Variants in DCDC1 observed in about 807,000 individuals in gnomAD.
DCDC1 encodes the protein doublecortin domain-containing protein 1.
Under a neutral mutation model 178.3 loss-of-function variants are expected in DCDC1, and 200 were observed. The ratio of observed to expected loss-of-function variants is 1.12; its 90% CI spans 1.00 to 1.26. The LOEUF is 1.26. Ranked by LOEUF, DCDC1 falls within the 50% of genes most tolerant of loss-of-function variation. DCDC1 has a pLI of 0.00. For missense variants in DCDC1, 1,983 were observed against 1,749.2 expected (o/e 1.13, Z -2.38); for synonymous variants, 690 against 604.8 (o/e 1.14, Z -2.07).
chr11:30,899,726 G>T (rs1052064901), intron 33 of DCDC1, 84 bp from the exon 34 acceptor site: 3 of 975,264 alleles, frequency 3.1e-6, no homozygotes, highest in African/African-American at 1.7e-5. Flanking sequence ...TCTGCTCAAA[G>T]AAATAGATTC....
intron 9 of DCDC1, among the ~76,000 whole-genome samples, chr11:31,147,238 C>T (rs1054269225): frequency 4.6e-5 from 7 of 152,136 alleles, no homozygotes; most frequent in African/African-American, 1.4e-4. Flanking sequence ...CTCACTCCAG[C>T]AAAGGTTCAA....
chr11:30,985,814 G>A (rs1474393913), intron 20 of DCDC1, among the ~76,000 whole-genome samples: 1 of 151,958 alleles, frequency 6.6e-6, no homozygotes, highest in Non-Finnish European at 1.5e-5. Flanking sequence ...ATGAGAACAT[G>A]GCAATCAACA....
At chr11:30,913,034 T>C (rs1945553978) in intron 27 of DCDC1, among the ~76,000 whole-genome samples, 1 of 152,174 alleles carries the variant, frequency 6.6e-6, no homozygotes, top group African/African-American at 2.4e-5. Flanking sequence ...AGATGTGCAA[T>C]AAACCTCAGA....
intron 9 of DCDC1, among the ~76,000 whole-genome samples, chr11:31,148,515 A>AAAAT (rs1304840321): frequency 1.8e-4 from 27 of 152,184 alleles, no homozygotes; most frequent in South Asian, 1.2e-3. Flanking sequence ...CTCAAAAAAT[A>AAAAT]AAATAAATAA....
At chr11:31,041,854 T>A (rs1045830155) in intron 20 of DCDC1, among the ~76,000 whole-genome samples, 5 of 152,154 alleles carry the variant, frequency 3.3e-5, no homozygotes, top group African/African-American at 1.2e-4. Context: ...GTCTAAAAGA[T>A]AAAAGAAGTA....
intron 20 of DCDC1, among the ~76,000 whole-genome samples, chr11:30,991,002 G>A (rs183428329): frequency 5.3e-5 from 8 of 152,262 alleles, no homozygotes; most frequent in Admixed American, 2.6e-4. Flanking sequence ...TGAGAGTTAC[G>A]AGGAAAAGCT....
At chr11:30,867,466 G>A (rs1441383151) in intron 38 of DCDC1, among the ~76,000 whole-genome samples, 2 of 152,188 alleles carry the variant, frequency 1.3e-5, no homozygotes, top group East Asian at 3.9e-4. Flanking sequence ...GTCCATTATG[G>A]TGCCCGGTAC....
chr11:31,226,907 G>T (rs964513021), intron 9 of DCDC1, among the ~76,000 whole-genome samples: 2 of 151,806 alleles, frequency 1.3e-5, no homozygotes, highest in African/African-American at 4.8e-5. Flanking sequence ...AGGAATACAA[G>T]ATTTTCTGGG....
intron 9 of DCDC1, among the ~76,000 whole-genome samples, chr11:31,213,222 C>CA (rs1430011420): frequency 6.7e-6 from 1 of 148,514 alleles, no homozygotes; most frequent in Non-Finnish European, 1.5e-5. Context: ...GCTCTTCAGT[C>CA]ACTTCACCCC....
intron 8 of DCDC1, among the ~76,000 whole-genome samples, chr11:31,264,730 T>C (rs942439839): frequency 1.3e-5 from 2 of 152,208 alleles, no homozygotes; most frequent in African/African-American, 4.8e-5. Context: ...ATTTCTCTAT[T>C]GTCAAATTAA....
chr11:31,040,024 CA>C (rs1954327852), intron 20 of DCDC1, among the ~76,000 whole-genome samples: 1 of 151,476 alleles, frequency 6.6e-6, no homozygotes, highest in South Asian at 2.1e-4. Context: ...ATCAGGTATC[CA>C]AAAAAGATGG....
chr11:30,869,516 C>T (rs984905006), intron 38 of DCDC1, among the ~76,000 whole-genome samples: 6 of 152,194 alleles, frequency 3.9e-5, no homozygotes, highest in Non-Finnish European at 8.8e-5. Context: ...GAACACAATT[C>T]TGAACACCCT....
intron 9 of DCDC1, among the ~76,000 whole-genome samples, chr11:31,222,352 C>G (rs1049050598): frequency 6.6e-6 from 1 of 152,134 alleles, no homozygotes; most frequent in African/African-American, 2.4e-5. Context: ...AGTGAGCCAC[C>G]ACGCCTGGCC....
intron 20 of DCDC1, among the ~76,000 whole-genome samples, chr11:30,977,610 T>C (rs1950171929): frequency 6.6e-6 from 1 of 152,202 alleles, no homozygotes; most frequent in Non-Finnish European, 1.5e-5. Context: ...ATATGTAGGA[T>C]TACTACCTTA....
intron 11 of DCDC1, among the ~76,000 whole-genome samples, chr11:31,112,496 T>C (rs1286375391): frequency 6.6e-6 from 1 of 152,170 alleles, no homozygotes; most frequent in Non-Finnish European, 1.5e-5. Flanking sequence ...GCTCTCTGCA[T>C]GGCCTCACCT....
At chr11:31,217,022 T>C (rs1258659261) in intron 9 of DCDC1, among the ~76,000 whole-genome samples, 1 of 152,144 alleles carries the variant, frequency 6.6e-6, no homozygotes, top group Non-Finnish European at 1.5e-5. Flanking sequence ...AGAAACAACA[T>C]TACAAATGGG....
In DCDC1 at chr11:30,952,415, A is replaced by G. The variant is rs1166716554; in HGVS notation, c.2715+30T>C. 4.6e-6 allele frequency: 7 copies of G among 1,511,732 alleles called. No homozygotes were observed. The East Asian group carries it at 6.9e-5, about 15-fold the overall frequency. The allele number at this position is 1,511,732 out of a possible 1,614,324, so 93.6% of individuals were successfully genotyped here. A position where few individuals can be genotyped will look rare whatever the true frequency, so the allele number is the denominator to read the frequency against. ...CAACTGGGCCTTAAAGTAAGTCTCAATGACCATCTCTTAAGCTAAGCAACA... is the reference window on the plus strand; with the variant it reads ...CAACTGGGCCTTAAAGTAAGTCTCAGTGACCATCTCTTAAGCTAAGCAACA... On this transcript the variant is annotated intron_variant, in intron 21 of 38. Coordinates refer to ENST00000684477, the MANE Select transcript of DCDC1 (RefSeq NM_001387274.1).
At chr11:31,179,246 G>GA (rs1375904344) in intron 9 of DCDC1, among the ~76,000 whole-genome samples, 1 of 152,152 alleles carries the variant, frequency 6.6e-6, no homozygotes, top group Non-Finnish European at 1.5e-5. Flanking sequence ...TGGTGGGATT[G>GA]AAAACTACTA....
At chr11:31,209,466 G>T (rs1489975282) in intron 9 of DCDC1, among the ~76,000 whole-genome samples, 1 of 152,176 alleles carries the variant, frequency 6.6e-6, no homozygotes, top group Non-Finnish European at 1.5e-5. Context: ...ATGATAGAAA[G>T]CCAGTGATTT....
Sources: gnomAD v4.1 joint callset for allele counts (sites outside exome capture counted in the v4.1 genomes callset) on GRCh38, gnomAD v4.1.1 for gene constraint, MANE v1.5 for transcripts, NCBI Gene and HGNC (gene_info 2026-07-23, HGNC 2026-07-21) for gene names.